Variants in ANO3 observed in about 807,000 individuals in gnomAD.
The protein encoded by ANO3 is anoctamin-3.
In ANO3, 99 loss-of-function variants were observed where a neutral mutation model predicts 144.8. That is an observed-to-expected ratio of 0.68 (90% CI 0.58 to 0.81). The LOEUF is 0.81. ANO3 is among the 30% of genes least tolerant of loss of function. ANO3 has a pLI of 0.00. For synonymous variants in ANO3, 414 were observed against 392.6 expected (o/e 1.05, Z -0.64); for missense variants, 905 against 1,202.2 (o/e 0.75, Z 3.66).
chr11:26,252,708 C>T (rs1175360987), intron 1 of ANO3, among the ~76,000 whole-genome samples: 6 of 152,162 alleles, frequency 3.9e-5, no homozygotes, highest in Non-Finnish European at 5.9e-5. Flanking sequence ...ACTGGACAGA[C>T]CTACATATGT....
At position 26,541,553 on chromosome 11, in the gene ANO3, C is replaced by T. The variant is rs117634647; in HGVS notation, c.1033-394C>T. On this transcript the variant is annotated intron_variant, in intron 10 of 26. Coordinates refer to ENST00000256737, the MANE Select transcript of ANO3 (RefSeq NM_031418.4). ...GCTTATAAAAATGGAAGAAACCTTT[C>T]CTGGAACTGCATCACTTCTTATACA... Among the ~76,000 whole-genome samples the T allele has an allele frequency of 4.0e-3, 608 of 152,198 alleles. 3 individuals are homozygous for T. Among genetic ancestry groups the T allele is most frequent in the Non-Finnish European group, 7.7e-3 (523 of 68,004 alleles).
At chr11:26,589,166 T>C (rs1042177980) in intron 14 of ANO3, among the ~76,000 whole-genome samples, 1 of 152,252 alleles carries the variant, frequency 6.6e-6, no homozygotes, top group Non-Finnish European at 1.5e-5. Flanking sequence ...CTGCCATTTA[T>C]TGTCTGTGTC....
intron 1 of ANO3, among the ~76,000 whole-genome samples, chr11:26,203,464 G>A (rs1851736732): frequency 6.6e-6 from 1 of 152,072 alleles, no homozygotes. Flanking sequence ...AAGACTCAAA[G>A]ATGCAGTTGG....
At chr11:26,203,706 C>T (rs1015385041) in intron 1 of ANO3, among the ~76,000 whole-genome samples, 6 of 152,038 alleles carry the variant, frequency 3.9e-5, no homozygotes, top group Admixed American at 6.6e-5. Context: ...TTTTATCTCC[C>T]GCTTTTAGGA....
chr11:26,542,412 G>A (rs932846878), intron 11 of ANO3, among the ~76,000 whole-genome samples: 2 of 152,030 alleles, frequency 1.3e-5, no homozygotes, highest in Non-Finnish European at 2.9e-5. Flanking sequence ...AAAGTGAGGG[G>A]GAGGATGGAG....
chr11:26,390,659 T>C (rs372859936), intron 1 of ANO3, among the ~76,000 whole-genome samples: 15 of 152,136 alleles, frequency 9.9e-5, no homozygotes, highest in African/African-American at 3.6e-4. Context: ...GCTACATAGT[T>C]TAAATAGAAA....
At chr11:26,557,164 T>C (rs1258150158) in intron 13 of ANO3, among the ~76,000 whole-genome samples, 1 of 152,076 alleles carries the variant, frequency 6.6e-6, no homozygotes, top group Non-Finnish European at 1.5e-5. Flanking sequence ...CCTAGTCATC[T>C]TAACAATGTT....
intron 1 of ANO3, among the ~76,000 whole-genome samples, chr11:26,290,244 A>T (rs1564951070): frequency 6.6e-6 from 1 of 152,030 alleles, no homozygotes; most frequent in Non-Finnish European, 1.5e-5. Context: ...TTTCCGTGGG[A>T]TCAGTGGTGA....
intron 1 of ANO3, among the ~76,000 whole-genome samples, chr11:26,436,175 G>A (rs778967371): frequency 6.6e-6 from 1 of 152,186 alleles, no homozygotes; most frequent in Admixed American, 6.5e-5. Context: ...CAGTAGATGG[G>A]TGCTCTGTGC....
intron 1 of ANO3, among the ~76,000 whole-genome samples, chr11:26,341,530 A>T (rs1357561710): frequency 6.6e-6 from 1 of 152,198 alleles, no homozygotes; most frequent in African/African-American, 2.4e-5. Context: ...ACCATTTAAT[A>T]AAAAGGAGAA....
intron 11 of ANO3, among the ~76,000 whole-genome samples, chr11:26,546,614 C>T (rs987938067): frequency 5.3e-5 from 8 of 151,942 alleles, no homozygotes; most frequent in African/African-American, 1.9e-4. Flanking sequence ...TTAACCAGGC[C>T]TTTAATACCG....
chr11:26,443,914 AT>A lies in ANO3; in HGVS notation c.313+88del, dbSNP rs980416807. 5.0e-3 allele frequency: 4,244 copies of A among 853,938 alleles called. 1 individual carries two copies. The highest frequency in any genetic ancestry group is 8.5e-3 in the South Asian group (460 of 54,024). 52.9% of individuals were successfully genotyped at this position (853,938 alleles called of 1,614,324 possible). Reference sequence around the variant, plus strand: ...CTGTGTTCTTCTAAAAAAAACTAGCATTTTTTTTTTAAGAAAAAGTTCATGT... The same window carrying A: ...CTGTGTTCTTCTAAAAAAAACTAGCATTTTTTTTTAAGAAAAAGTTCATGT... On this transcript the variant is annotated intron_variant, in intron 3 of 26. Coordinates refer to ENST00000256737, the MANE Select transcript of ANO3 (RefSeq NM_031418.4).
chr11:26,527,885 A>G (rs1849205985), intron 7 of ANO3, among the ~76,000 whole-genome samples: 1 of 152,104 alleles, frequency 6.6e-6, no homozygotes, highest in South Asian at 2.1e-4. Context: ...AGACTCCCTT[A>G]TCATCCCCAC....
intron 1 of ANO3, among the ~76,000 whole-genome samples, chr11:26,192,660 AG>A (rs1851500698): frequency 6.6e-6 from 1 of 152,174 alleles, no homozygotes; most frequent in Admixed American, 6.6e-5. Flanking sequence ...GAGAGTCCAA[AG>A]CTCAAAGAAG....
chr11:26,263,259 C>T (rs1443780152), intron 1 of ANO3, among the ~76,000 whole-genome samples: 1 of 150,644 alleles, frequency 6.6e-6, no homozygotes, highest in Admixed American at 6.6e-5. Flanking sequence ...TCAAATTAAC[C>T]AGTCTTTCTT....
chr11:26,505,090 A>G lies in ANO3; in HGVS notation c.433-3014A>G, dbSNP rs142657112. Among the ~76,000 whole-genome samples the G allele has an allele frequency of 1.6e-3, 244 of 151,860 alleles. 2 individuals are homozygous for G. The highest frequency in any genetic ancestry group is 0.01 in the Middle Eastern group (3 of 292). On this transcript the variant is annotated intron_variant, in intron 4 of 26. Transcript: ENST00000256737. ...ACAAGCCTGGCTACTGCAATAATCC[A>G]ATAGAGATTACTATGGTTTAGACCA...
chr11:26,336,638 T>C (rs1366386728), intron 1 of ANO3, among the ~76,000 whole-genome samples: 1 of 152,142 alleles, frequency 6.6e-6, no homozygotes, highest in Non-Finnish European at 1.5e-5. Flanking sequence ...CTGGGAAAAA[T>C]ATCTAGTTTC....
intron 14 of ANO3, among the ~76,000 whole-genome samples, chr11:26,581,560 G>A (rs551890029): frequency 1.9e-4 from 29 of 151,818 alleles, no homozygotes; most frequent in Non-Finnish European, 3.4e-4. Context: ...ATGGTGGCAC[G>A]TGCCTGTAGT....
chr11:26,407,837 C>G (rs556916670), intron 1 of ANO3, among the ~76,000 whole-genome samples: 1 of 151,942 alleles, frequency 6.6e-6, no homozygotes, highest in East Asian at 2.0e-4. Context: ...CTCCCCTTTG[C>G]CTTCTGCTCT....
Sources: allele counts gnomAD v4.1 joint callset (sites outside exome capture counted in the v4.1 genomes callset), GRCh38; gene constraint gnomAD v4.1.1; transcripts MANE v1.5; gene names NCBI Gene and HGNC (gene_info 2026-07-23, HGNC 2026-07-21).